Variants in FAM120A observed in about 807,000 individuals in gnomAD.
The protein encoded by FAM120A is family with sequence similarity 120 member A.
Under a neutral mutation model 109.7 loss-of-function variants are expected in FAM120A, and 15 were observed. That is an observed-to-expected ratio of 0.14 (90% CI 0.09 to 0.21). FAM120A has a LOEUF of 0.21. Ranked by LOEUF, FAM120A falls within the 10% of genes least tolerant of loss-of-function variation. The pLI is 1.00. For synonymous variants in FAM120A, 493 were observed against 572.8 expected (o/e 0.86, Z 1.99); for missense variants, 899 against 1,439.3 (o/e 0.62, Z 6.07).
At position 93,561,249 on chromosome 9, in the gene FAM120A, G is replaced by C; in HGVS notation, c.2947G>C (p.Gly983Arg). 1 of 1,610,684 alleles carries C rather than the reference G, an allele frequency of 6.2e-7. No individual in the cohort carries two copies. The highest frequency in any genetic ancestry group is 8.5e-7 in the Non-Finnish European group (1 of 1,178,916). ...QVVSVGGPAR[G>R]RPRGVISTPV... ...GGTTTCTGTCGGAGGACCAGCTAGA[G>C]GGTAAGTTCTGAGCCACGAAAATGT... is the stretch of plus-strand genomic sequence containing the variant. The change falls in exon 16 of 18, where the codon GGG becomes CGG. Residue 983 changes from glycine (G) to arginine (R), a missense_variant and splice_region_variant. Physicochemically the swap from Gly to Arg is moderately radical, Grantham distance 125. This residue lies in a region of FAM120A where 170 missense variants were observed against 205.0 expected (regional missense o/e 0.83). Coordinates refer to ENST00000277165, the MANE Select transcript of FAM120A (RefSeq NM_014612.5).
chr9:93,562,574 A>C (rs1862504719), intron 17 of FAM120A, among the ~76,000 whole-genome samples: 1 of 151,742 alleles, frequency 6.6e-6, no homozygotes, highest in African/African-American at 2.4e-5. Context: ...CTGGTGTGAC[A>C]CGATGGGCTT....
chr9:93,554,366 G>A lies in FAM120A; in HGVS notation c.2275-2016G>A, dbSNP rs138162240. Among the ~76,000 whole-genome samples, 484 of 152,236 alleles carry A rather than the reference G, an allele frequency of 3.2e-3. 1 individual carries two copies. The highest frequency in any genetic ancestry group is 4.9e-3 in the Non-Finnish European group (335 of 68,012). On this transcript the variant is annotated intron_variant, in intron 12 of 17. Transcript: ENST00000277165. ...ATCTGGATGTGATTGGCACCAGCCC[G>A]TTCCTAAGAAACACCTGCAGGGGCT... is the stretch of plus-strand genomic sequence containing the variant.
Position 93,543,258 on chromosome 9 carries a change from A to G in FAM120A, c.1946A>G (p.Lys649Arg), listed in dbSNP as rs755458077. Residue 649 changes from lysine (K) to arginine (R), a missense_variant, in exon 11 of 18, where the codon AAA becomes AGA. Around this residue, in one of 11 missense-constraint regions of FAM120A, gnomAD observed 133 missense variants for 276.6 expected, o/e 0.48. Coordinates refer to ENST00000277165, the MANE Select transcript of FAM120A (RefSeq NM_014612.5). ...ATCATTAAAGAATGGGCAGCTTACA[A>G]AGGAAAGTCTCCTCAAACCCCGGAA... is the stretch of plus-strand genomic sequence containing the variant. The part of the protein sequence containing the change: ...PVIIKEWAAY[K>R]GKSPQTPELV... The G allele has an allele frequency of 3.7e-6, 6 of 1,614,046 alleles. No homozygotes were observed. Among genetic ancestry groups the G allele is most frequent in the African/African-American group, 2.7e-5 (2 of 74,908 alleles).
At chr9:93,555,035 A>T (rs1862245703) in intron 12 of FAM120A, among the ~76,000 whole-genome samples, 1 of 152,202 alleles carries the variant, frequency 6.6e-6, no homozygotes, top group Non-Finnish European at 1.5e-5. Flanking sequence ...CCCTTTCTGC[A>T]GCTCAGAGGT....
chr9:93,460,814 A>G (rs183923553), intron 1 of FAM120A, among the ~76,000 whole-genome samples: 1 of 152,320 alleles, frequency 6.6e-6, no homozygotes, highest in African/African-American at 2.4e-5. Context: ...TAGGAAGCAG[A>G]AGTTTTAAAG....
rs1457375735 is a variant in FAM120A at position 93,529,456 on chromosome 9, C to T, written c.1610C>T (p.Thr537Ile). ...ATCCCGTGCCTCCTGTCGATGCCCA[C>T]CAGGAACCACATGGACATCACCACA... ...QPIPCLLSMP[T>I]RNHMDITTPP... Residue 537 changes from threonine to isoleucine, a missense_variant, in exon 9 of 18, where the codon ACC becomes ATC. Thr to Ile is a moderately conservative substitution (Grantham distance 89, BLOSUM62 -1). Transcript: ENST00000277165. 6.2e-7 allele frequency: 1 copy of T among 1,614,098 alleles called. No individual in the cohort carries two copies. Among genetic ancestry groups the T allele is most frequent in the Non-Finnish European group, 8.5e-7 (1 of 1,180,032 alleles).
At chr9:93,505,417 A>T (rs1860002437) in intron 5 of FAM120A, among the ~76,000 whole-genome samples, 1 of 152,084 alleles carries the variant, frequency 6.6e-6, no homozygotes, top group South Asian at 2.1e-4. Flanking sequence ...AGGGATACTT[A>T]ATATATATAT....
At chr9:93,455,707 G>A (rs1047321086) in intron 1 of FAM120A, among the ~76,000 whole-genome samples, 2 of 151,544 alleles carry the variant, frequency 1.3e-5, no homozygotes, top group African/African-American at 4.9e-5. Flanking sequence ...CTGTCTCTCA[G>A]GCTGGAGTGC....
chr9:93,524,561 C>A (rs1204825928), intron 7 of FAM120A, among the ~76,000 whole-genome samples: 2 of 152,228 alleles, frequency 1.3e-5, no homozygotes, highest in African/African-American at 4.8e-5. Context: ...TCCCCAGCCA[C>A]CAAGCTGACT....
At position 93,562,307 on chromosome 9, in the gene FAM120A, A is replaced by G. The variant is rs1277864576; in HGVS notation, c.3045+3A>G. ...ACAAAAACCAGGCAGCAATTCAGGT[A>G]AGAAGACAACATGATGTTTGTGCCA... is the stretch of plus-strand genomic sequence containing the variant. On this transcript the variant is annotated splice_donor_region_variant and intron_variant, in intron 17 of 17. Transcript: ENST00000277165. The G allele has an allele frequency of 1.2e-6, 2 of 1,612,152 alleles. No homozygotes were observed. Among genetic ancestry groups the G allele is most frequent in the Non-Finnish European group, 1.7e-6 (2 of 1,178,268 alleles).
At chr9:93,487,860 T>G (rs1410774186) in intron 3 of FAM120A, among the ~76,000 whole-genome samples, 1 of 152,234 alleles carries the variant, frequency 6.6e-6, no homozygotes, top group Non-Finnish European at 1.5e-5. Flanking sequence ...TGCTGGTGTC[T>G]GACTGTAGGC....
intron 9 of FAM120A, chr9:93,530,071 A>G (rs1025808170): frequency 5.4e-6 from 1 of 185,688 alleles, no homozygotes. Context: ...TAGTGCTAAG[A>G]ACAAAAAATA....
intron 3 of FAM120A, among the ~76,000 whole-genome samples, chr9:93,486,482 A>G (rs968547539): frequency 6.6e-6 from 1 of 150,668 alleles, no homozygotes; most frequent in African/African-American, 2.4e-5. Flanking sequence ...TTGCTGAGTC[A>G]TGTAGTAGGT....
At chr9:93,517,555 A>G (rs1271136103) in intron 7 of FAM120A, among the ~76,000 whole-genome samples, 1 of 152,234 alleles carries the variant, frequency 6.6e-6, no homozygotes, top group South Asian at 2.1e-4. Context: ...AACGTGACTC[A>G]TGTCAGCAAG....
intron 7 of FAM120A, 143 bp downstream of exon 7, chr9:93,516,412 G>A: frequency 1.9e-6 from 2 of 1,043,638 alleles, no homozygotes; most frequent in Non-Finnish European, 2.8e-6. Flanking sequence ...ACTCAGATGG[G>A]GGCTCCTTGG....
intron 10 of FAM120A, among the ~76,000 whole-genome samples, chr9:93,533,970 G>C (rs1386362871): frequency 2.0e-5 from 3 of 152,196 alleles, no homozygotes; most frequent in Admixed American, 1.3e-4. Context: ...CTTCTGTGCT[G>C]TCCCGTGGAG....
Position 93,474,975 on chromosome 9 carries a change from G to A in FAM120A, c.722-1281G>A, listed in dbSNP as rs147222567. 6.5e-3 allele frequency among the ~76,000 whole-genome samples: 989 copies of A among 152,246 alleles called. 5 individuals carry two copies. Among genetic ancestry groups the A allele is most frequent in the Non-Finnish European group, 1.0e-2 (678 of 68,022 alleles). ...CAAGCCAGCAAACCTGAGCAGTTACGGTTCAGATTTGCTCATTTGGACATC... is the reference window on the plus strand; with the variant it reads ...CAAGCCAGCAAACCTGAGCAGTTACAGTTCAGATTTGCTCATTTGGACATC... On this transcript the variant is annotated intron_variant, in intron 2 of 17. Coordinates refer to ENST00000277165, the MANE Select transcript of FAM120A (RefSeq NM_014612.5).
intron 7 of FAM120A, among the ~76,000 whole-genome samples, chr9:93,518,414 T>G (rs1271701525): frequency 6.6e-6 from 1 of 152,150 alleles, no homozygotes; most frequent in Non-Finnish European, 1.5e-5. Context: ...CTTTTATAGT[T>G]TAGAAAAAAA....
At chr9:93,482,373 T>C (rs1858857890) in intron 3 of FAM120A, among the ~76,000 whole-genome samples, 1 of 151,986 alleles carries the variant, frequency 6.6e-6, no homozygotes, top group Admixed American at 6.6e-5. Flanking sequence ...TGTATTTTAG[T>C]AGAGACGGGA....
Sources: gnomAD v4.1 joint callset for allele counts (sites outside exome capture counted in the v4.1 genomes callset) on GRCh38, gnomAD v4.1.1 for gene constraint, gnomAD v4.1.1 regional missense constraint, MANE v1.5 for transcripts, NCBI Gene and HGNC (gene_info 2026-07-23, HGNC 2026-07-21) for gene names.